The following GRIA4 variants were observed in gnomAD, a reference collection of about 807,000 sequenced individuals.
GRIA4 encodes glutamate receptor 4.
Under a neutral mutation model 104.0 loss-of-function variants are expected in GRIA4, and 34 were observed. The observed-to-expected ratio is 0.33, with a 90% CI of 0.25 to 0.44. The LOEUF (loss-of-function observed/expected upper bound fraction) is 0.44. Among genes scored for constraint, GRIA4 ranks in the 20% least tolerant of loss-of-function variants. The probability of loss-of-function intolerance (pLI) is 1.00; values close to 1 mark genes in which losing one functional copy is unlikely to be tolerated. For synonymous variants in GRIA4, 386 were observed against 381.9 expected, an observed-to-expected ratio of 1.01 and a Z score of -0.13; for missense variants, 750 against 1,096.5, an observed-to-expected ratio of 0.68 and a Z score of 4.46.
chr11:105,697,095 T>C (rs1953307329), intron 3 of GRIA4, among the ~76,000 whole-genome samples: 1 of 152,184 alleles, frequency 6.6e-6, no homozygotes, highest in African/African-American at 2.4e-5. Flanking sequence ...TATTCTGAAA[T>C]AGCTATTGTT....
intron 13 of GRIA4, among the ~76,000 whole-genome samples, chr11:105,931,759 T>C (rs991523878): frequency 3.9e-5 from 6 of 152,140 alleles, no homozygotes; most frequent in African/African-American, 1.4e-4. Context: ...TTCTTTGGTG[T>C]TCAAGTTTGC....
intron 4 of GRIA4, among the ~76,000 whole-genome samples, chr11:105,791,630 A>G (rs1942217596): frequency 2.0e-5 from 3 of 152,146 alleles, no homozygotes; most frequent in Non-Finnish European, 4.4e-5. Flanking sequence ...ATGTATCTGC[A>G]CAAAAACATG....
intron 4 of GRIA4, among the ~76,000 whole-genome samples, chr11:105,822,371 A>G (rs533487586): frequency 6.6e-6 from 1 of 151,860 alleles, no homozygotes; most frequent in South Asian, 2.1e-4. Flanking sequence ...ATGAGGGGGG[A>G]AAAATGAGAG....
chr11:105,899,012 T>C (rs552750990), intron 7 of GRIA4, among the ~76,000 whole-genome samples: 94 of 152,316 alleles, frequency 6.2e-4, no homozygotes, highest in Non-Finnish European at 1.3e-3. Flanking sequence ...TATGGCATAA[T>C]GTTTCTTAAA....
Position 105,713,218 on chromosome 11 carries a change from A to C in GRIA4, c.248-39763A>C, listed in dbSNP as rs958670013. 4.9e-4 allele frequency among the ~76,000 whole-genome samples: 74 copies of C among 152,190 alleles called. No homozygotes were observed. The Middle Eastern group carries it at 0.01, about 21-fold the overall frequency. ...GCCAACATGGTGAAACGCTGTCTCT[A>C]CTAAAAATACAAAAATTAGCTGGGC... On this transcript the variant is annotated intron_variant, in intron 3 of 16. Transcript: ENST00000282499.
At chr11:105,712,738 G>T (rs1321096070) in intron 3 of GRIA4, among the ~76,000 whole-genome samples, 1 of 151,254 alleles carries the variant, frequency 6.6e-6, no homozygotes, top group Non-Finnish European at 1.5e-5. Flanking sequence ...TATAGAGAAA[G>T]CTTTAAGTAA....
chr11:105,674,995 T>C (rs1185490574), intron 3 of GRIA4, among the ~76,000 whole-genome samples: 1 of 151,864 alleles, frequency 6.6e-6, no homozygotes, highest in Admixed American at 6.6e-5. Flanking sequence ...GGGAAATCCC[T>C]GCATGGAGAA....
chr11:105,804,954 T>A (rs1942884346), intron 4 of GRIA4, among the ~76,000 whole-genome samples: 2 of 151,884 alleles, frequency 1.3e-5, no homozygotes, highest in African/African-American at 4.8e-5. Context: ...TACCTATGAA[T>A]ATATAATATA....
At chr11:105,848,796 G>T (rs528205) in intron 4 of GRIA4, among the ~76,000 whole-genome samples, 85,300 of 151,942 alleles carry the variant, frequency 0.56, 25,004 homozygotes, top group African/African-American at 0.75. Context: ...ACCATAAGTC[G>T]GAACAGGCAA....
At chr11:105,877,669 T>C (rs191261412) in intron 5 of GRIA4, among the ~76,000 whole-genome samples, 4 of 152,222 alleles carry the variant, frequency 2.6e-5, no homozygotes, top group Admixed American at 2.6e-4. Flanking sequence ...ATCTTTAATC[T>C]CTGATATCCT....
intron 3 of GRIA4, among the ~76,000 whole-genome samples, chr11:105,676,649 G>A (rs1461544950): frequency 2.0e-5 from 3 of 151,686 alleles, no homozygotes; most frequent in African/African-American, 7.2e-5. Flanking sequence ...TGTTGGTGGC[G>A]ACAGAAGTGA....
chr11:105,780,528 T>C (rs1398987377), intron 4 of GRIA4, among the ~76,000 whole-genome samples: 1 of 152,174 alleles, frequency 6.6e-6, no homozygotes, highest in African/African-American at 2.4e-5. Context: ...TTAAAAATCT[T>C]ATTTCATTTT....
intron 3 of GRIA4, among the ~76,000 whole-genome samples, chr11:105,615,247 AT>A (rs1441639859): frequency 1.3e-5 from 2 of 152,060 alleles, no homozygotes; most frequent in Admixed American, 1.3e-4. Flanking sequence ...ATGCTGGTTC[AT>A]CTGCCTCAAA....
intron 3 of GRIA4, among the ~76,000 whole-genome samples, chr11:105,640,844 T>A (rs1481240447): frequency 2.0e-5 from 3 of 152,062 alleles, no homozygotes; most frequent in African/African-American, 4.8e-5. Context: ...TTCATTTTGT[T>A]TGGCTCTCTT....
intron 10 of GRIA4, among the ~76,000 whole-genome samples, chr11:105,918,137 T>C (rs1435284065): frequency 6.6e-6 from 1 of 152,110 alleles, no homozygotes; most frequent in Non-Finnish European, 1.5e-5. Flanking sequence ...TATTTAAGAA[T>C]TTTTTAACTA....
intron 3 of GRIA4, among the ~76,000 whole-genome samples, chr11:105,677,163 A>C (rs1952564611): frequency 6.6e-6 from 1 of 151,804 alleles, no homozygotes; most frequent in Non-Finnish European, 1.5e-5. Flanking sequence ...ATTTTTTAAA[A>C]TTTTTATTTA....
intron 3 of GRIA4, among the ~76,000 whole-genome samples, chr11:105,676,407 TA>T (rs1430036037): frequency 1.3e-5 from 2 of 151,684 alleles, no homozygotes; most frequent in Non-Finnish European, 3.0e-5. Context: ...CAATAATGAC[TA>T]AAAAAACTAT....
At chr11:105,856,402 T>C (rs1945008820) in intron 4 of GRIA4, among the ~76,000 whole-genome samples, 1 of 151,906 alleles carries the variant, frequency 6.6e-6, no homozygotes, top group Admixed American at 6.6e-5. Flanking sequence ...ATATCCCTTC[T>C]TGTCCTTCCA....
At chr11:105,958,861 A>C (rs1948660641) in intron 14 of GRIA4, among the ~76,000 whole-genome samples, 2 of 152,154 alleles carry the variant, frequency 1.3e-5, no homozygotes, top group South Asian at 4.1e-4. Flanking sequence ...TTTTTCCTTC[A>C]CTTATGAAGC....
Sources: gnomAD v4.1 joint callset for allele counts (sites outside exome capture counted in the v4.1 genomes callset) on GRCh38, gnomAD v4.1.1 for gene constraint, MANE v1.5 for transcripts, NCBI Gene and HGNC (gene_info 2026-07-23, HGNC 2026-07-21) for gene names.